RELN: variants seen among roughly 807,000 people sequenced by gnomAD.
RELN encodes reelin.
Under a neutral mutation model 427.6 loss-of-function variants are expected in RELN, and 108 were observed. The observed-to-expected ratio is 0.25, with a 90% CI of 0.22 to 0.30. RELN has a LOEUF of 0.30. RELN is among the 10% of genes least tolerant of loss of function. The pLI, the probability that RELN is intolerant of heterozygous loss-of-function variation, is 1.00. For synonymous variants in RELN, 1,524 were observed against 1,513.4 expected, an observed-to-expected ratio of 1.01 and a Z score of -0.16; for missense variants, 3,715 against 4,302.8, an observed-to-expected ratio of 0.86 and a Z score of 3.82.
intron 1 of RELN, among the ~76,000 whole-genome samples, chr7:103,957,707 A>G (rs1349528857): frequency 6.6e-6 from 1 of 152,074 alleles, no homozygotes; most frequent in Non-Finnish European, 1.5e-5. Flanking sequence ...ACCTGTATTC[A>G]TTTTACATGT....
At chr7:103,890,100 A>G (rs922428986) in intron 2 of RELN, among the ~76,000 whole-genome samples, 1 of 152,014 alleles carries the variant, frequency 6.6e-6, no homozygotes, top group Admixed American at 6.6e-5. Flanking sequence ...CAGTCTGCTC[A>G]TCACTATGTC....
At chr7:103,797,368 G>A (rs1277043199) in intron 3 of RELN, among the ~76,000 whole-genome samples, 1 of 152,164 alleles carries the variant, frequency 6.6e-6, no homozygotes, top group Non-Finnish European at 1.5e-5. Context: ...GCCTCCCAAA[G>A]TAGTGGGATT....
At chr7:103,695,445 TTGGAAA>T (rs201442052) in intron 10 of RELN, among the ~76,000 whole-genome samples, 1,706 of 152,244 alleles carry the variant, frequency 0.011, 34 homozygotes, top group African/African-American at 0.039. Flanking sequence ...AAATGTGTGA[TTGGAAA>T]GCTTATGAGT....
chr7:103,752,066 A>ATACCTGTTTTGGG (rs1407085991), intron 5 of RELN, among the ~76,000 whole-genome samples: 1 of 152,196 alleles, frequency 6.6e-6, no homozygotes, highest in Admixed American at 6.5e-5. Context: ...GCCTCATTGG[A>ATACCTGTTTTGGG]TACCTGTTTG....
chr7:103,935,826 G>A (rs771655855), intron 1 of RELN, among the ~76,000 whole-genome samples: 1 of 152,014 alleles, frequency 6.6e-6, no homozygotes, highest in Non-Finnish European at 1.5e-5. Context: ...TGACCTTATG[G>A]GGCATAAAAA....
chr7:103,802,312 A>C, intron 3 of RELN, among the ~76,000 whole-genome samples: 1 of 152,206 alleles, frequency 6.6e-6, no homozygotes, highest in Non-Finnish European at 1.5e-5. Flanking sequence ...TAGAATTAAG[A>C]CATGACTAAA....
intron 1 of RELN, among the ~76,000 whole-genome samples, chr7:103,967,688 G>T (rs1335919241): frequency 2.0e-5 from 3 of 152,208 alleles, no homozygotes; most frequent in African/African-American, 7.2e-5. Context: ...CCATTCTCCA[G>T]ACCAGTTCTT....
intron 46 of RELN, among the ~76,000 whole-genome samples, chr7:103,526,193 AC>A (rs1298516790): frequency 6.6e-6 from 1 of 152,244 alleles, no homozygotes; most frequent in East Asian, 1.9e-4. Context: ...GTGGGCAACC[AC>A]TTAGAGAAAC....
intron 3 of RELN, among the ~76,000 whole-genome samples, chr7:103,809,046 C>G (rs537726161): frequency 6.6e-6 from 1 of 152,216 alleles, no homozygotes; most frequent in South Asian, 2.1e-4. Flanking sequence ...GTGTAAAGAA[C>G]AAAAGTTTCT....
intron 28 of RELN, among the ~76,000 whole-genome samples, chr7:103,588,113 A>G (rs1831320617): frequency 6.6e-6 from 1 of 152,222 alleles, no homozygotes; most frequent in African/African-American, 2.4e-5. Flanking sequence ...ACTGTTCACA[A>G]TAGCTAAGAT....
intron 8 of RELN, among the ~76,000 whole-genome samples, chr7:103,719,574 C>T (rs1790024451): frequency 6.8e-6 from 1 of 146,648 alleles, no homozygotes; most frequent in Non-Finnish European, 1.5e-5. Flanking sequence ...ACTGAGCACA[C>T]AACAAATATT....
chr7:103,665,241 G>A (rs1477277493), intron 11 of RELN, among the ~76,000 whole-genome samples: 1 of 151,866 alleles, frequency 6.6e-6, no homozygotes, highest in East Asian at 1.9e-4. Flanking sequence ...CCCTATAAAC[G>A]TGAGTCTGTT....
chr7:103,636,690 C>T (rs185766370), intron 17 of RELN, among the ~76,000 whole-genome samples: 1 of 152,166 alleles, frequency 6.6e-6, no homozygotes, highest in African/African-American at 2.4e-5. Context: ...CATAAAAAGC[C>T]TACGATTAAA....
chr7:103,732,363 C>T (rs1790375462), intron 6 of RELN, among the ~76,000 whole-genome samples: 1 of 152,060 alleles, frequency 6.6e-6, no homozygotes, highest in Non-Finnish European at 1.5e-5. Flanking sequence ...CATTTACTTC[C>T]CCATAATTAT....
At chr7:103,839,721 T>G (rs750780054) in intron 2 of RELN, among the ~76,000 whole-genome samples, 2 of 152,220 alleles carry the variant, frequency 1.3e-5, no homozygotes, top group Non-Finnish European at 2.9e-5. Flanking sequence ...TACTATGACC[T>G]GGCACTACTC....
chr7:103,497,871 G>A lies in RELN; in HGVS notation c.8899C>T (p.Arg2967Cys), dbSNP rs756399521. 1.2e-6 allele frequency: 2 copies of A among 1,614,144 alleles called. No homozygotes were observed. The highest frequency in any genetic ancestry group is 1.7e-5 in the Admixed American group (1 of 60,000). The change falls in exon 55 of 65, where the codon CGT becomes TGT. Residue 2967 changes from arginine (R) to cysteine (C), a missense_variant. Arg to Cys is a radical substitution (Grantham distance 180). Coordinates refer to ENST00000428762, the MANE Select transcript of RELN (RefSeq NM_005045.4). ...ACGCCTTCCTTCCGGCAGATGGGAC[G>A]ATGGCAAGAGGTCATGTTGTTCTCA... ...GSENNMTSCH[R>C]PICRKEGVLL...
At position 103,569,703 on chromosome 7, in the gene RELN, G is replaced by A. The variant is rs886990999; in HGVS notation, c.4588+2481C>T. On this transcript the variant is annotated intron_variant, in intron 31 of 64. Transcript: ENST00000428762. This position sits in a 1 kb window ranked among gnomAD's most constrained non-coding sequence, Gnocchi z 4.0. Reference sequence around the variant, plus strand: ...GGCCCCAATTCCAAAGGACAAAGAAGGAGAGCCTCTCAGATAAGAATGAGA... The same window carrying A: ...GGCCCCAATTCCAAAGGACAAAGAAAGAGAGCCTCTCAGATAAGAATGAGA... 3.3e-5 allele frequency among the ~76,000 whole-genome samples: 5 copies of A among 152,198 alleles called. No individual in the cohort carries two copies. Among genetic ancestry groups the A allele is most frequent in the East Asian group, 1.9e-4 (1 of 5,192 alleles).
At position 103,824,627 on chromosome 7, in the gene RELN, AGTGTGTGTGTGTGTGTGTGT is replaced by A. The variant is rs368098458; in HGVS notation, c.473+8890_473+8909del. On this transcript the variant is annotated intron_variant, in intron 3 of 64. Transcript: ENST00000428762. The surrounding 1 kb of genome is among the most constrained non-coding windows in gnomAD (Gnocchi z 4.4). ...GTGTTTTCACTTTCTTTCAAAACAG[AGTGTGTGTGTGTGTGTGTGT>A]GTGTGTGTGTGTGTGTGTGTGTGTG... Among the ~76,000 whole-genome samples, 30 of 130,896 alleles carry A rather than the reference AGTGTGTGTGTGTGTGTGTGT, an allele frequency of 2.3e-4. No homozygotes were observed. The highest frequency in any genetic ancestry group is 4.1e-4 in the Non-Finnish European group (26 of 63,096). 85.9% of individuals were successfully genotyped at this position (130,896 alleles called of 152,430 possible). A position where few individuals can be genotyped will look rare whatever the true frequency, so the allele number is the denominator to read the frequency against.
At chr7:103,827,332 A>G (rs1793167999) in intron 3 of RELN, among the ~76,000 whole-genome samples, 1 of 151,952 alleles carries the variant, frequency 6.6e-6, no homozygotes, top group African/African-American at 2.4e-5. Context: ...TGGAAGGAGG[A>G]GGAGACAGGA....
Sources: gnomAD v4.1 joint callset for allele counts (sites outside exome capture counted in the v4.1 genomes callset) on GRCh38, gnomAD v4.1.1 for gene constraint, Gnocchi (gnomAD v3.1) non-coding constraint, MANE v1.5 for transcripts, NCBI Gene and HGNC (gene_info 2026-07-23, HGNC 2026-07-21) for gene names.